The following FSIP2 variants were observed in gnomAD, a reference collection of about 807,000 sequenced individuals.
FSIP2 encodes fibrous sheath interacting protein 2, also known as fibrous sheath-interacting protein 2.
Under a neutral mutation model 510.5 loss-of-function variants are expected in FSIP2, and 367 were observed. The ratio of observed to expected loss-of-function variants is 0.72; its 90% CI spans 0.66 to 0.78. The LOEUF (loss-of-function observed/expected upper bound fraction) is 0.78. Ranked by LOEUF, FSIP2 falls within the 30% of genes least tolerant of loss-of-function variation. The pLI, the probability that FSIP2 is intolerant of heterozygous loss-of-function variation, is 0.00. For synonymous variants in FSIP2, 2,601 were observed against 2,732.2 expected (o/e 0.95, Z 1.50); for missense variants, 7,594 against 7,901.7 (o/e 0.96, Z 1.48).
In FSIP2 at chr2:185,796,316, C is replaced by T; in HGVS notation, c.9180C>T (p.Phe3060=). The T allele has an allele frequency of 2.0e-6, 3 of 1,533,650 alleles. No homozygotes were observed. Among genetic ancestry groups the T allele is most frequent in the African/African-American group, 1.4e-5 (1 of 72,988 alleles). ...SDKSESNTIN[F]KENIQNILLR... ...AATCCGAGTCAAATACTATTAATTT[C>T]AAGGAAAACATACAGAATATCCTTC... The change falls in exon 16 of 23, where the codon TTC becomes TTT. Residue 3060 remains phenylalanine (F), a synonymous_variant. Coordinates refer to ENST00000424728, the MANE Select transcript of FSIP2 (RefSeq NM_173651.4).
At chr2:185,763,067 C>A in intron 11 of FSIP2, 116 bp from the exon 12 acceptor site, 2 of 594,058 alleles carry the variant, frequency 3.4e-6, no homozygotes, top group Admixed American at 2.7e-5. Context: ...TGTGGCAATT[C>A]TAGTCACTGT....
chr2:185,793,656 G>C lies in FSIP2; in HGVS notation c.6520G>C (p.Val2174Leu), dbSNP rs1328669372. 1 of 1,534,536 alleles carries C rather than the reference G, an allele frequency of 6.5e-7. No individual in the cohort carries two copies. The highest frequency in any genetic ancestry group is 8.7e-7 in the Non-Finnish European group (1 of 1,145,800). Residue 2174 changes from valine (V) to leucine (L), a missense_variant, in exon 16 of 23, where the codon GTC becomes CTC. Physicochemically the swap from Val to Leu is conservative, Grantham distance 32. Transcript: ENST00000424728. ...LHNLSSAATL[V>L]INAKNPTSAR... ...TAATCTCAGTTCTGCTGCCACGCTT[G>C]TCATAAATGCAAAGAATCCTACTTC... is the stretch of plus-strand genomic sequence containing the variant.
At chr2:185,757,580 C>G (rs1201940242) in intron 9 of FSIP2, among the ~76,000 whole-genome samples, 1 of 151,242 alleles carries the variant, frequency 6.6e-6, no homozygotes, top group Non-Finnish European at 1.5e-5. Context: ...TCCCACTCAC[C>G]ATAATCAGGT....
intron 5 of FSIP2, 149 bp downstream of exon 5, chr2:185,745,717 T>C (rs1692015910): frequency 1.4e-6 from 1 of 714,292 alleles, no homozygotes; most frequent in African/African-American, 1.8e-5. Context: ...AACCAAGAGG[T>C]GGAAGAATTT....
chr2:185,831,183 T>C (rs1431229947), intron 21 of FSIP2, among the ~76,000 whole-genome samples: 1 of 151,920 alleles, frequency 6.6e-6, no homozygotes, highest in Non-Finnish European at 1.5e-5. Context: ...GCTACAGAAT[T>C]CTGGTACCCT....
At position 185,788,790 on chromosome 2, in the gene FSIP2, T is replaced by A. The variant is rs1221807639; in HGVS notation, c.1654T>A (p.Ser552Thr). 9 of 1,534,388 alleles carry A rather than the reference T, an allele frequency of 5.9e-6. No individual in the cohort carries two copies. In the Admixed American group the frequency reaches 1.8e-4, roughly 30 times the overall value. ...TYPVSDDSIL[S>T]SDSSSFCSTC... ...CCCAGTATCTGATGACTCCATCCTC[T>A]CTTCAGATAGTTCAAGTTTCTGTAG... The change falls in exon 16 of 23, where the codon TCT becomes ACT. Residue 552 changes from serine to threonine, a missense_variant. Ser to Thr is a moderately conservative substitution (Grantham distance 58). Coordinates refer to ENST00000424728, the MANE Select transcript of FSIP2 (RefSeq NM_173651.4).
At chr2:185,739,121 C>G (rs1425332098) in intron 1 of FSIP2, 128 bp downstream of exon 1, 6 of 1,294,244 alleles carry the variant, frequency 4.6e-6, no homozygotes, top group African/African-American at 1.5e-5. Flanking sequence ...TGCCCTCTTG[C>G]GGCGCCCGGG....
chr2:185,765,567 T>C (rs1424428999), intron 13 of FSIP2: 1 of 152,126 alleles, frequency 6.6e-6, no homozygotes, highest in Non-Finnish European at 1.5e-5. Flanking sequence ...TAGTTTGAAG[T>C]CAGGTAGTGT....
chr2:185,764,793 T>A, intron 13 of FSIP2: 1 of 436,312 alleles, frequency 2.3e-6, no homozygotes, highest in South Asian at 3.7e-5. Context: ...CTGGGAAAGT[T>A]ATGGGAAAGA....
chr2:185,754,987 A>G (rs1297457585), intron 8 of FSIP2, among the ~76,000 whole-genome samples: 1 of 151,572 alleles, frequency 6.6e-6, no homozygotes, highest in Admixed American at 6.6e-5. Flanking sequence ...GATCATTCCT[A>G]AAACACATGT....
chr2:185,796,208 AG>A lies in FSIP2; in HGVS notation c.9073del (p.Glu3025LysfsTer11). ...EFSEIVKMPIENLSSIQQKLL... is the reference protein window; with the variant it reads ...EFSEIVKMPIXNLSSIQQKLL... Reference sequence around the variant, plus strand: ...TTTCTGAAATTGTGAAAATGCCTATAGAAAACCTTTCTTCTATCCAACAGAA... The same window carrying A: ...TTTCTGAAATTGTGAAAATGCCTATAAAAACCTTTCTTCTATCCAACAGAA... On this transcript the variant is annotated frameshift_variant, in exon 16 of 23. Coordinates refer to ENST00000424728, the MANE Select transcript of FSIP2 (RefSeq NM_173651.4). LOFTEE classifies it high-confidence loss of function. 1 of 1,530,692 alleles carries A rather than the reference AG, an allele frequency of 6.5e-7. No individual in the cohort carries two copies. The highest frequency in any genetic ancestry group is 8.7e-7 in the Non-Finnish European group (1 of 1,144,988). The allele number at this position is 1,530,692 out of a possible 1,614,324, so 94.8% of individuals were successfully genotyped here. A position where few individuals can be genotyped will look rare whatever the true frequency, so the allele number is the denominator to read the frequency against.
chr2:185,790,107 C>A lies in FSIP2; in HGVS notation c.2971C>A (p.Pro991Thr), dbSNP rs1464748639. ...NSPRSGRPFP[P>T]INVPGMVLYS... Reference sequence around the variant, plus strand: ...TCCTAGGTCTGGAAGACCATTTCCACCTATAAATGTTCCAGGCATGGTTCT... The same window carrying A: ...TCCTAGGTCTGGAAGACCATTTCCAACTATAAATGTTCCAGGCATGGTTCT... The change falls in exon 16 of 23, where the codon CCT (proline) becomes ACT (threonine). Residue 991 changes from proline to threonine, a missense_variant. By Grantham distance (38) the Pro-to-Thr change is conservative. Transcript: ENST00000424728. 9.1e-6 allele frequency: 14 copies of A among 1,533,628 alleles called. No homozygotes were observed. The highest frequency in any genetic ancestry group is 1.1e-5 in the Non-Finnish European group (13 of 1,145,350).
Position 185,800,528 on chromosome 2 carries a change from A to G in FSIP2, c.11222A>G (p.Asn3741Ser). 3.9e-6 allele frequency: 6 copies of G among 1,530,876 alleles called. No individual in the cohort carries two copies. Among genetic ancestry groups the G allele is most frequent in the Non-Finnish European group, 4.4e-6 (5 of 1,144,728 alleles). The allele number at this position is 1,530,876 out of a possible 1,614,324, so 94.8% of individuals were successfully genotyped here. A position where few individuals can be genotyped will look rare whatever the true frequency, so the allele number is the denominator to read the frequency against. The change falls in exon 17 of 23, where the codon AAT becomes AGT. Residue 3741 changes from asparagine to serine, a missense_variant. Coordinates refer to ENST00000424728, the MANE Select transcript of FSIP2 (RefSeq NM_173651.4). ...NNEQPNSILT[N>S]NLQLSSKSVF... ...GAGCAACCTAATAGCATACTTACCAATAACCTACAGCTCTCCTCAAAATCA... is the reference window on the plus strand; with the variant it reads ...GAGCAACCTAATAGCATACTTACCAGTAACCTACAGCTCTCCTCAAAATCA...
chr2:185,806,179 A>C lies in FSIP2; in HGVS notation c.16873A>C (p.Lys5625Gln). The change falls in exon 17 of 23, where the codon AAG becomes CAG. Residue 5625 changes from lysine to glutamine, a missense_variant. By Grantham distance (53) the Lys-to-Gln change is moderately conservative (BLOSUM62 1). Coordinates refer to ENST00000424728, the MANE Select transcript of FSIP2 (RefSeq NM_173651.4). ...GGAAAGCTCATTTAAAAAAGATGACAAGCTCTTTCAGTTATCCTCCTTGAA... is the reference window on the plus strand; with the variant it reads ...GGAAAGCTCATTTAAAAAAGATGACCAGCTCTTTCAGTTATCCTCCTTGAA... Reference protein sequence around the residue: ...ARESSFKKDDKLFQLSSLKSK... With the variant: ...ARESSFKKDDQLFQLSSLKSK... 1 of 1,586,292 alleles carries C rather than the reference A, an allele frequency of 6.3e-7. No individual in the cohort carries two copies. Among genetic ancestry groups the C allele is most frequent in the Non-Finnish European group, 8.5e-7 (1 of 1,171,574 alleles).
In FSIP2 at chr2:185,803,978, C is replaced by G; in HGVS notation, c.14672C>G (p.Pro4891Arg). The change falls in exon 17 of 23, where the codon CCT (proline) becomes CGT (arginine). Residue 4891 changes from proline (P) to arginine (R), a missense_variant. Transcript: ENST00000424728. ...GATAAAAAGAGCATAAGTGACATACCTGTTTCAAAAATAGCGAGTTTTATA... is the reference window on the plus strand; with the variant it reads ...GATAAAAAGAGCATAAGTGACATACGTGTTTCAAAAATAGCGAGTTTTATA... ...TKDKKSISDI[P>R]VSKIASFIIK... The G allele has an allele frequency of 6.7e-7, 1 of 1,496,498 alleles. No homozygotes were observed. Among genetic ancestry groups the G allele is most frequent in the Non-Finnish European group, 8.9e-7 (1 of 1,125,530 alleles). The allele number at this position is 1,496,498 out of a possible 1,614,324, so 92.7% of individuals were successfully genotyped here.
At chr2:185,798,302 T>C (rs1693348161) in intron 16 of FSIP2, among the ~76,000 whole-genome samples, 1 of 151,954 alleles carries the variant, frequency 6.6e-6, no homozygotes, top group Non-Finnish European at 1.5e-5. Flanking sequence ...TTGAATATCT[T>C]GTTTTATTTG....
At chr2:185,822,941 C>T (rs771810644) in intron 19 of FSIP2, among the ~76,000 whole-genome samples, 1 of 151,746 alleles carries the variant, frequency 6.6e-6, no homozygotes, top group Non-Finnish European at 1.5e-5. Context: ...GGTACCAAGA[C>T]CATTTAATGA....
intron 21 of FSIP2, among the ~76,000 whole-genome samples, chr2:185,829,893 G>A (rs1694076597): frequency 6.6e-6 from 1 of 151,896 alleles, no homozygotes; most frequent in African/African-American, 2.4e-5. Context: ...ATCACAGAAA[G>A]AGGAACCTCA....
Position 185,806,697 on chromosome 2 carries a change from A to C in FSIP2, c.17391A>C (p.Gln5797His). 6.2e-7 allele frequency: 1 copy of C among 1,603,480 alleles called. No individual in the cohort carries two copies. The highest frequency in any genetic ancestry group is 1.1e-5 in the South Asian group (1 of 88,754). ...LEDVITEMVK[Q>H]LIFSSIPETQ... Reference sequence around the variant, plus strand: ...ATGTTATTACTGAGATGGTTAAACAATTGATCTTTTCTTCTATACCAGAAA... The same window carrying C: ...ATGTTATTACTGAGATGGTTAAACACTTGATCTTTTCTTCTATACCAGAAA... Residue 5797 changes from glutamine (Q) to histidine (H), a missense_variant, in exon 17 of 23, where the codon CAA (glutamine) becomes CAC (histidine). Physicochemically the swap from Gln to His is conservative, Grantham distance 24. Transcript: ENST00000424728.
Sources: allele counts gnomAD v4.1 joint callset (sites outside exome capture counted in the v4.1 genomes callset), GRCh38; gene constraint gnomAD v4.1.1; transcripts MANE v1.5; gene names NCBI Gene and HGNC (gene_info 2026-07-23, HGNC 2026-07-21).